CLCN5: variants seen among roughly 807,000 people sequenced by gnomAD.
CLCN5 encodes Cl-/H+ antiporter 5, also known as H(+)/Cl(-) exchange transporter 5.
Under a neutral mutation model 54.0 loss-of-function variants are expected in CLCN5, and 17 were observed. That is an observed-to-expected ratio of 0.31 (90% CI 0.22 to 0.47). The LOEUF is 0.47. Among genes scored for constraint, CLCN5 ranks in the 20% least tolerant of loss-of-function variants. The pLI, the probability that CLCN5 is intolerant of heterozygous loss-of-function variation, is 1.00. For synonymous variants in CLCN5, 222 were observed against 233.0 expected (o/e 0.95, Z 0.43); for missense variants, 448 against 646.7 (o/e 0.69, Z 3.33).
At chrX:49,952,607 A>G (rs1032655160) in intron 3 of CLCN5, among the ~76,000 whole-genome samples, 3 of 110,726 alleles carry the variant, frequency 2.7e-5, no homozygotes, top group East Asian at 5.6e-4. Flanking sequence ...TGTACAGTTA[A>G]TTGGCTTTTC....
At chrX:49,933,609 A>G (rs1557169173) in intron 3 of CLCN5, among the ~76,000 whole-genome samples, 3 of 112,221 alleles carry the variant, frequency 2.7e-5, no homozygotes, top group South Asian at 3.7e-4. Flanking sequence ...ACTACTAGCC[A>G]TGTGACTTTG....
At chrX:49,949,894 G>GA (rs1242311891) in intron 3 of CLCN5, among the ~76,000 whole-genome samples, 1 of 111,807 alleles carries the variant, frequency 8.9e-6, no homozygotes, top group African/African-American at 3.3e-5. Flanking sequence ...CTGAAGAGCA[G>GA]AATCAAGTAT....
intron 12 of CLCN5, among the ~76,000 whole-genome samples, chrX:50,089,752 G>C (rs1046497553): frequency 1.3e-4 from 15 of 111,641 alleles, no homozygotes; most frequent in African/African-American, 4.9e-4. Flanking sequence ...AGGTGTGGTG[G>C]CACATGCCTG....
chrX:50,018,300 T>G (rs1044244960), intron 3 of CLCN5, among the ~76,000 whole-genome samples: 7 of 112,342 alleles, frequency 6.2e-5, no homozygotes, highest in Admixed American at 9.5e-5. Context: ...AGCAGTTGAT[T>G]TTTGTATATT....
intron 3 of CLCN5, among the ~76,000 whole-genome samples, chrX:50,021,164 G>C (rs1931081039): frequency 1.0e-5 from 1 of 97,053 alleles, no homozygotes; most frequent in Non-Finnish European, 1.9e-5. Context: ...TTGAGCAGTG[G>C]TTTGTAGTTC....
In CLCN5 at chrX:50,081,682, G is replaced by A; in HGVS notation, c.768G>A (p.Leu256=). 1 of 1,210,667 alleles carries A rather than the reference G, an allele frequency of 8.3e-7. No homozygotes were observed. Among genetic ancestry groups the A allele is most frequent in the Non-Finnish European group, 1.1e-6 (1 of 894,616 alleles). The change falls in exon 9 of 15, where the codon TTG becomes TTA. Residue 256 remains leucine (L), a synonymous_variant. Coordinates refer to ENST00000376091, the MANE Select transcript of CLCN5 (RefSeq NM_001127898.4). ...GTGGTTTCATTATTAGGGGCTATTTGGGTAAGTGGACTCTGGTTATCAAAA... is the reference window on the plus strand; with the variant it reads ...GTGGTTTCATTATTAGGGGCTATTTAGGTAAGTGGACTCTGGTTATCAAAA... ...ILSGFIIRGY[L]GKWTLVIKTI...
intron 3 of CLCN5, among the ~76,000 whole-genome samples, chrX:49,995,936 TCC>T (rs1268876602): frequency 4.5e-5 from 5 of 111,857 alleles, no homozygotes; most frequent in Non-Finnish European, 9.4e-5. Flanking sequence ...TGCCTTGTTA[TCC>T]ACGTGGCATA....
chrX:50,025,636 T>C (rs1210397704), intron 3 of CLCN5, among the ~76,000 whole-genome samples: 1 of 111,325 alleles, frequency 9.0e-6, no homozygotes, highest in Admixed American at 9.5e-5. Flanking sequence ...TTTCTGTCTC[T>C]TCCAGTTTCT....
At chrX:49,941,205 C>A (rs1375543951) in intron 3 of CLCN5, among the ~76,000 whole-genome samples, 2 of 109,897 alleles carry the variant, frequency 1.8e-5, no homozygotes, top group African/African-American at 6.6e-5. Flanking sequence ...GCCTGTAGTC[C>A]CAGCTGCTTG....
chrX:50,042,476 T>G lies in CLCN5; in HGVS notation c.163+14T>G. The G allele has an allele frequency of 1.0e-6, 1 of 996,555 alleles. No individual in the cohort carries two copies. Among genetic ancestry groups the G allele is most frequent in the Non-Finnish European group, 1.3e-6 (1 of 763,762 alleles). 82.1% of individuals were successfully genotyped at this position (996,555 alleles called of 1,213,427 possible). A position where few individuals can be genotyped will look rare whatever the true frequency, so the allele number is the denominator to read the frequency against. ...GAGAAGTAGGAGGTATCATTATTGG[T>G]GATGATAATTTATCTTAATTTTTTA... On this transcript the variant is annotated intron_variant, in intron 4 of 14. Transcript: ENST00000376091.
intron 3 of CLCN5, among the ~76,000 whole-genome samples, chrX:49,996,879 G>A (rs1400418980): frequency 1.8e-5 from 2 of 111,572 alleles, no homozygotes; most frequent in African/African-American, 6.5e-5. Flanking sequence ...CAGCCAAACT[G>A]GTTTCTTTGT....
intron 9 of CLCN5, among the ~76,000 whole-genome samples, chrX:50,082,093 T>A (rs1464992772): frequency 2.7e-5 from 3 of 111,716 alleles, no homozygotes; most frequent in Admixed American, 9.5e-5. Context: ...AATAGGGAAC[T>A]GATCTAATAA....
At chrX:49,965,610 T>A (rs2147312252) in intron 3 of CLCN5, among the ~76,000 whole-genome samples, 1 of 112,034 alleles carries the variant, frequency 8.9e-6, no homozygotes, top group South Asian at 3.7e-4. Flanking sequence ...TTTATTTCTT[T>A]GTCTTGCCTA....
chrX:50,094,436 C>T lies in CLCN5; in HGVS notation c.*2217C>T, dbSNP rs1412774725. ...ATACCTGTCTTATTAGTTGTCCTTC[C>T]CCACTAAAGTTTGCAAAACAGAAAA... On this transcript the variant is annotated 3_prime_UTR_variant, in exon 15 of 15. Transcript: ENST00000376091. The T allele has an allele frequency of 9.0e-6, 1 of 111,633 alleles. No homozygotes were observed. Among genetic ancestry groups the T allele is most frequent in the African/African-American group, 3.3e-5 (1 of 30,715 alleles). 9.2% of individuals were successfully genotyped at this position (111,633 alleles called of 1,213,427 possible). A position where few individuals can be genotyped will look rare whatever the true frequency, so the allele number is the denominator to read the frequency against.
At chrX:50,064,497 A>G (rs2147526422) in intron 4 of CLCN5, among the ~76,000 whole-genome samples, 1 of 83,657 alleles carries the variant, frequency 1.2e-5, no homozygotes, top group South Asian at 7.1e-4. Flanking sequence ...ACCACTGCTC[A>G]AGGAAATAAA....
rs1934302137 is a variant in CLCN5 at position 50,097,615 on chromosome X, C to G, written c.*5396C>G. ...TGCCTCGTCCCACCTTGCTGTCTGTCTCATTGTCTTTCTCTCCCCTCACCA... is the reference window on the plus strand; with the variant it reads ...TGCCTCGTCCCACCTTGCTGTCTGTGTCATTGTCTTTCTCTCCCCTCACCA... On this transcript the variant is annotated 3_prime_UTR_variant, in exon 15 of 15. Transcript: ENST00000376091. The G allele has an allele frequency of 9.0e-6, 1 of 111,172 alleles. No homozygotes were observed. The highest frequency in any genetic ancestry group is 2.8e-4 in the East Asian group (1 of 3,535). 9.2% of individuals were successfully genotyped at this position (111,172 alleles called of 1,213,427 possible). A position where few individuals can be genotyped will look rare whatever the true frequency, so the allele number is the denominator to read the frequency against.
intron 3 of CLCN5, among the ~76,000 whole-genome samples, chrX:50,013,976 C>T (rs782169739): frequency 7.1e-5 from 8 of 112,280 alleles, no homozygotes; most frequent in African/African-American, 9.7e-5. Flanking sequence ...GTCAGAGATG[C>T]CGACCTTACT....
chrX:50,037,252 G>A (rs58715284), intron 3 of CLCN5, among the ~76,000 whole-genome samples: 17,083 of 111,829 alleles, frequency 0.15, 3,164 homozygotes, highest in African/African-American at 0.53. Flanking sequence ...AATAAATCAG[G>A]TTAAATCTGG....
At chrX:49,937,995 C>T (rs1318696977) in intron 3 of CLCN5, among the ~76,000 whole-genome samples, 2 of 111,419 alleles carry the variant, frequency 1.8e-5, no homozygotes, top group Non-Finnish European at 3.8e-5. Context: ...GTCTGAGATA[C>T]AAGAAGTCAA....
Sources: gnomAD v4.1 joint callset for allele counts (sites outside exome capture counted in the v4.1 genomes callset) on GRCh38, gnomAD v4.1.1 for gene constraint, MANE v1.5 for transcripts, NCBI Gene and HGNC (gene_info 2026-07-23, HGNC 2026-07-21) for gene names.